Variants in SMYD3 observed in about 807,000 individuals in gnomAD.
The protein encoded by SMYD3 is SET and MYND domain containing 3, also known as histone-lysine N-methyltransferase SMYD3.
A neutral mutation model predicts 57.7 loss-of-function variants in SMYD3; 36 were observed. That is an observed-to-expected ratio of 0.62 (90% CI 0.48 to 0.82). The LOEUF (loss-of-function observed/expected upper bound fraction) is 0.82. Ranked by LOEUF, SMYD3 falls within the 40% of genes least tolerant of loss-of-function variation. The pLI, the probability that SMYD3 is intolerant of heterozygous loss-of-function variation, is 0.00. For missense variants in SMYD3, 515 were observed against 538.8 expected (o/e 0.96, Z 0.44); for synonymous variants, 211 against 195.0 (o/e 1.08, Z -0.68).
intron 1 of SMYD3, among the ~76,000 whole-genome samples, chr1:246,457,882 C>A (rs994211632): frequency 6.6e-6 from 1 of 152,218 alleles, no homozygotes; most frequent in Non-Finnish European, 1.5e-5. Context: ...ACTACTGATT[C>A]TTTCCAAAAG....
chr1:246,233,881 C>T (rs2063467832), intron 5 of SMYD3, among the ~76,000 whole-genome samples: 1 of 126,064 alleles, frequency 7.9e-6, no homozygotes, highest in Non-Finnish European at 1.7e-5. Flanking sequence ...AAGCACTCCT[C>T]AATTCACACT....
chr1:246,149,632 T>A (rs1356600987), intron 5 of SMYD3, among the ~76,000 whole-genome samples: 1 of 152,224 alleles, frequency 6.6e-6, no homozygotes, highest in African/African-American at 2.4e-5. Flanking sequence ...GCCGGAAGCA[T>A]TATTGAGATG....
chr1:245,977,985 C>G (rs1430473810), intron 5 of SMYD3, among the ~76,000 whole-genome samples: 1 of 152,098 alleles, frequency 6.6e-6, no homozygotes, highest in South Asian at 2.1e-4. Context: ...AGGCTAAGCC[C>G]CTCCCTCCAT....
At chr1:246,327,063 A>C in intron 5 of SMYD3, 138 bp downstream of exon 5, 1 of 978,840 alleles carries the variant, frequency 1.0e-6, no homozygotes, top group African/African-American at 1.6e-5. Context: ...TGCTCTACTC[A>C]CTATGATAAG....
At chr1:245,978,582 G>A (rs2058513131) in intron 5 of SMYD3, among the ~76,000 whole-genome samples, 1 of 152,204 alleles carries the variant, frequency 6.6e-6, no homozygotes, top group African/African-American at 2.4e-5. Context: ...GGGGGGCAGA[G>A]AGAACTATTT....
intron 2 of SMYD3, among the ~76,000 whole-genome samples, chr1:246,345,437 G>A (rs1412889619): frequency 6.6e-6 from 1 of 151,998 alleles, no homozygotes; most frequent in Non-Finnish European, 1.5e-5. Flanking sequence ...TGAAATACCT[G>A]GGACCAGAAG....
chr1:246,168,825 C>T (rs1192547690), intron 5 of SMYD3, among the ~76,000 whole-genome samples: 7 of 151,980 alleles, frequency 4.6e-5, no homozygotes, highest in Non-Finnish European at 1.0e-4. Flanking sequence ...ATGCTTTTGC[C>T]GTCTTTAGAA....
intron 5 of SMYD3, among the ~76,000 whole-genome samples, chr1:246,169,400 A>AAC (rs1558285138): frequency 1.3e-5 from 2 of 151,298 alleles, no homozygotes; most frequent in Non-Finnish European, 2.9e-5. Flanking sequence ...AAAAAAAAAA[A>AAC]AAAACCTCTA....
intron 5 of SMYD3, among the ~76,000 whole-genome samples, chr1:246,219,247 G>A (rs776343409): frequency 6.6e-6 from 1 of 151,948 alleles, no homozygotes; most frequent in Non-Finnish European, 1.5e-5. Context: ...ACCCCACCCT[G>A]TGCCTATAAA....
intron 5 of SMYD3, among the ~76,000 whole-genome samples, chr1:246,051,118 T>G (rs2148326476): frequency 6.7e-6 from 1 of 149,462 alleles, no homozygotes; most frequent in Middle Eastern, 3.4e-3. Flanking sequence ...ATTAACTTCT[T>G]TTTTTTTCTT....
intron 10 of SMYD3, among the ~76,000 whole-genome samples, chr1:245,846,824 C>A (rs1410586771): frequency 6.6e-6 from 1 of 152,224 alleles, no homozygotes; most frequent in African/African-American, 2.4e-5. Context: ...ATTGTTGAAT[C>A]CAGTTTATCT....
chr1:245,829,267 A>G (rs1057402180), intron 10 of SMYD3, among the ~76,000 whole-genome samples: 1 of 152,184 alleles, frequency 6.6e-6, no homozygotes, highest in African/African-American at 2.4e-5. Context: ...TATTTAATCA[A>G]TCAACAAGTA....
intron 2 of SMYD3, among the ~76,000 whole-genome samples, chr1:246,336,035 G>T (rs2065538008): frequency 6.6e-6 from 1 of 152,182 alleles, no homozygotes; most frequent in African/African-American, 2.4e-5. Context: ...TCCTGGATGT[G>T]TCTAGGTTTG....
chr1:246,443,003 G>A (rs1421029387), intron 1 of SMYD3, among the ~76,000 whole-genome samples: 1 of 152,110 alleles, frequency 6.6e-6, no homozygotes, highest in Non-Finnish European at 1.5e-5. Context: ...ATGCTCTACT[G>A]TATTTAAATT....
intron 8 of SMYD3, among the ~76,000 whole-genome samples, chr1:245,898,527 A>C (rs2053978018): frequency 6.6e-6 from 1 of 152,242 alleles, no homozygotes; most frequent in African/African-American, 2.4e-5. Context: ...TGAATGCTTG[A>C]ACATTTCTGA....
At chr1:246,110,392 T>C (rs956281935) in intron 5 of SMYD3, among the ~76,000 whole-genome samples, 1 of 152,204 alleles carries the variant, frequency 6.6e-6, no homozygotes, top group Non-Finnish European at 1.5e-5. Flanking sequence ...GGTAGATGAA[T>C]GGCAGACAGC....
chr1:245,818,500 A>C lies in SMYD3; in HGVS notation c.1076+39996T>G, dbSNP rs369499350. On this transcript the variant is annotated intron_variant, in intron 10 of 11. Coordinates refer to ENST00000490107, the MANE Select transcript of SMYD3 (RefSeq NM_001167740.2). ...AACTGCATCAACTAACGAGCAAAAT[A>C]ACCAGCTAACATCATAATGACAGGA... 6.6e-4 allele frequency among the ~76,000 whole-genome samples: 100 copies of C among 152,274 alleles called. No individual in the cohort carries two copies. The East Asian group carries it at 8.7e-3, about 13-fold the overall frequency.
At chr1:246,273,267 G>A (rs1483327443) in intron 5 of SMYD3, among the ~76,000 whole-genome samples, 24 of 147,340 alleles carry the variant, frequency 1.6e-4, no homozygotes, top group Middle Eastern at 3.6e-3. Context: ...CTCCTGCCTC[G>A]GCCTCCTGAG....
chr1:246,044,399 C>T (rs904998718), intron 5 of SMYD3, among the ~76,000 whole-genome samples: 3 of 152,172 alleles, frequency 2.0e-5, no homozygotes, highest in African/African-American at 4.8e-5. Context: ...CGCATGATGT[C>T]TATTTTACCT....
Sources: gnomAD v4.1 joint callset for allele counts (sites outside exome capture counted in the v4.1 genomes callset) on GRCh38, gnomAD v4.1.1 for gene constraint, MANE v1.5 for transcripts, NCBI Gene and HGNC (gene_info 2026-07-23, HGNC 2026-07-21) for gene names.